The following CCDC7 variants were observed in gnomAD, a reference collection of about 807,000 sequenced individuals.
CCDC7 encodes the protein coiled-coil domain containing 7.
In CCDC7, 183 loss-of-function variants were observed where a neutral mutation model predicts 196.9. The ratio of observed to expected loss-of-function variants is 0.93; its 90% CI spans 0.82 to 1.05. The LOEUF (loss-of-function observed/expected upper bound fraction) is 1.05, where lower values mean the gene tolerates loss of function less well. Ranked by LOEUF, CCDC7 falls within the 50% of genes least tolerant of loss-of-function variation. CCDC7 has a pLI of 0.00. For synonymous variants in CCDC7, 525 were observed against 484.6 expected (o/e 1.08, Z -1.10); for missense variants, 1,540 against 1,482.2 (o/e 1.04, Z -0.64).
intron 9 of CCDC7, among the ~76,000 whole-genome samples, chr10:32,509,738 A>G (rs1348376736): frequency 6.6e-6 from 1 of 152,214 alleles, no homozygotes; most frequent in African/African-American, 2.4e-5. Context: ...ACTTGAATAG[A>G]TATTTTTCCA....
At chr10:32,674,575 G>A (rs551354125) in intron 21 of CCDC7, among the ~76,000 whole-genome samples, 13 of 152,152 alleles carry the variant, frequency 8.5e-5, no homozygotes, top group Admixed American at 3.9e-4. Flanking sequence ...TGGATGGAAT[G>A]TTCTTTAAAT....
chr10:32,758,885 C>G (rs1189497093), intron 28 of CCDC7, among the ~76,000 whole-genome samples: 2 of 152,148 alleles, frequency 1.3e-5, no homozygotes, highest in South Asian at 4.1e-4. Context: ...AGCTGATAAG[C>G]AACTTCAGCA....
intron 28 of CCDC7, among the ~76,000 whole-genome samples, chr10:32,758,459 A>G (rs2076859416): frequency 6.6e-6 from 1 of 152,190 alleles, no homozygotes; most frequent in Non-Finnish European, 1.5e-5. Flanking sequence ...AAAAATCAAT[A>G]AAGTAATCCA....
chr10:32,763,866 G>A (rs553910202), intron 28 of CCDC7, among the ~76,000 whole-genome samples: 52 of 151,940 alleles, frequency 3.4e-4, no homozygotes, highest in African/African-American at 1.1e-3. Flanking sequence ...CAAAATTTCA[G>A]TTAGATAGGA....
chr10:32,785,010 A>G (rs1251646933), intron 29 of CCDC7, among the ~76,000 whole-genome samples: 2 of 152,248 alleles, frequency 1.3e-5, no homozygotes, highest in African/African-American at 4.8e-5. Flanking sequence ...TTAAAAAGCA[A>G]AACAAAACAA....
chr10:32,553,123 C>CT (rs927646975), intron 13 of CCDC7, among the ~76,000 whole-genome samples: 70 of 117,360 alleles, frequency 6.0e-4, no homozygotes, highest in African/African-American at 1.9e-3. Flanking sequence ...TTTTTTAATT[C>CT]TTTTTTTTTA....
At chr10:32,525,477 T>C (rs1353089036) in intron 11 of CCDC7, among the ~76,000 whole-genome samples, 1 of 152,232 alleles carries the variant, frequency 6.6e-6, no homozygotes, top group African/African-American at 2.4e-5. Flanking sequence ...GAATTTGAGT[T>C]TTCTGAAAAC....
At chr10:32,594,555 T>C (rs2060118510) in intron 18 of CCDC7, among the ~76,000 whole-genome samples, 1 of 152,204 alleles carries the variant, frequency 6.6e-6, no homozygotes, top group African/African-American at 2.4e-5. Context: ...TTCTCTTGCC[T>C]GATTGCCCTG....
rs1253994908 is a variant in CCDC7, at chr10:32,646,035, C to T, written c.2014+10877C>T. On this transcript the variant is annotated intron_variant, in intron 20 of 41. Transcript: ENST00000639629. ...TTTTTAATCTCTTTTTTGTTTATTT[C>T]TGCTCTGATTTTATTAGTTTGTTCC... Among the ~76,000 whole-genome samples, 5 of 148,872 alleles carry T rather than the reference C, an allele frequency of 3.4e-5. No homozygotes were observed. In the East Asian group the frequency reaches 7.8e-4, roughly 23 times the overall value.
At chr10:32,516,647 A>T (rs2047077974) in intron 9 of CCDC7, among the ~76,000 whole-genome samples, 1 of 152,204 alleles carries the variant, frequency 6.6e-6, no homozygotes, top group Non-Finnish European at 1.5e-5. Context: ...ACCCACTAGG[A>T]TGGCTATATT....
intron 16 of CCDC7, among the ~76,000 whole-genome samples, chr10:32,572,607 A>G (rs1010234058): frequency 1.1e-4 from 17 of 152,130 alleles, no homozygotes; most frequent in Non-Finnish European, 2.2e-4. Flanking sequence ...ATATGTTTTA[A>G]ATACTAACTA....
chr10:32,850,774 AACACACACAC>A (rs59662474), intron 39 of CCDC7, among the ~76,000 whole-genome samples: 9,318 of 146,714 alleles, frequency 0.064, 343 homozygotes, highest in Non-Finnish European at 0.078. Flanking sequence ...TGTCTCTGAC[AACACACACAC>A]ACACACACAC....
intron 24 of CCDC7, among the ~76,000 whole-genome samples, chr10:32,703,991 A>G (rs2079238985): frequency 6.6e-6 from 1 of 151,064 alleles, no homozygotes; most frequent in Non-Finnish European, 1.5e-5. Context: ...TAGTTTGATC[A>G]TCTGAAGCCT....
chr10:32,786,883 A>C (rs2081975441), intron 29 of CCDC7, among the ~76,000 whole-genome samples: 1 of 152,224 alleles, frequency 6.6e-6, no homozygotes, highest in South Asian at 2.1e-4. Flanking sequence ...AATAAAGATG[A>C]TAAAAAATAA....
At chr10:32,873,478 G>A (rs867686986) in intron 41 of CCDC7, among the ~76,000 whole-genome samples, 4 of 151,774 alleles carry the variant, frequency 2.6e-5, no homozygotes, top group Middle Eastern at 3.4e-3. Context: ...CCGTGGGTTC[G>A]AACTTCCTCC....
At chr10:32,718,987 T>G (rs1341268523) in intron 25 of CCDC7, among the ~76,000 whole-genome samples, 2 of 152,216 alleles carry the variant, frequency 1.3e-5, no homozygotes, top group Non-Finnish European at 2.9e-5. Flanking sequence ...CCCATCAAGC[T>G]ATCATTGACT....
chr10:32,559,570 G>T (rs912401750), intron 13 of CCDC7, among the ~76,000 whole-genome samples: 3 of 152,262 alleles, frequency 2.0e-5, no homozygotes, highest in African/African-American at 4.8e-5. Flanking sequence ...ACGGTCTGGA[G>T]TGGACCTCTA....
chr10:32,623,795 A>C (rs1758607392), intron 18 of CCDC7: 1 of 470,216 alleles, frequency 2.1e-6, no homozygotes, highest in Admixed American at 2.4e-5. Flanking sequence ...AGGAAGGTGA[A>C]GTGGGAGCAG....
chr10:32,457,344 A>C (rs1488438437), intron 3 of CCDC7, among the ~76,000 whole-genome samples: 1 of 152,210 alleles, frequency 6.6e-6, no homozygotes, highest in Admixed American at 6.5e-5. Flanking sequence ...TTTTGGAATT[A>C]AGAGTGAAAT....
Sources: allele counts gnomAD v4.1 joint callset (sites outside exome capture counted in the v4.1 genomes callset), GRCh38; gene constraint gnomAD v4.1.1; transcripts MANE v1.5; gene names NCBI Gene and HGNC (gene_info 2026-07-23, HGNC 2026-07-21).